The following NPAS2 variants were observed in gnomAD, a reference collection of about 807,000 sequenced individuals.
NPAS2 encodes neuronal PAS domain-containing protein 2.
Under a neutral mutation model 107.5 loss-of-function variants are expected in NPAS2, and 23 were observed. The ratio of observed to expected loss-of-function variants is 0.21; its 90% CI spans 0.15 to 0.30. The LOEUF is 0.30. NPAS2 is among the 10% of genes least tolerant of loss of function. The probability of loss-of-function intolerance (pLI) is 1.00; values close to 1 mark genes in which losing one functional copy is unlikely to be tolerated. For synonymous variants in NPAS2, 403 were observed against 417.5 expected, an observed-to-expected ratio of 0.97 and a Z score of 0.42; for missense variants, 756 against 1,043.3, an observed-to-expected ratio of 0.72 and a Z score of 3.79.
chr2:100,984,197 C>T (rs1677642791), intron 16 of NPAS2: 1 of 152,192 alleles, frequency 6.6e-6, no homozygotes, highest in African/African-American at 2.4e-5. Flanking sequence ...TGGAATTTTC[C>T]AGAGATCATG....
Position 100,939,050 on chromosome 2 carries a change from G to C in NPAS2, c.363+1208G>C, listed in dbSNP as rs554749609. Among the ~76,000 whole-genome samples, 6 of 152,270 alleles carry C rather than the reference G, an allele frequency of 3.9e-5. No homozygotes were observed. In the South Asian group the frequency reaches 1.2e-3, roughly 32 times the overall value. ...CTGCCCCTGCCCAGGGAACAGCGTG[G>C]CCTTGTTCCATGGGCAGCTTCCATC... On this transcript the variant is annotated intron_variant, in intron 5 of 20. Coordinates refer to ENST00000335681, the MANE Select transcript of NPAS2 (RefSeq NM_002518.4).
intron 4 of NPAS2, among the ~76,000 whole-genome samples, chr2:100,933,228 G>T (rs1019205872): frequency 6.6e-6 from 1 of 152,146 alleles, no homozygotes; most frequent in African/African-American, 2.4e-5. Context: ...GTGACCACAG[G>T]ATGAGCCCCT....
chr2:100,836,349 G>A lies in NPAS2; in HGVS notation c.-23+15935G>A, dbSNP rs1340486241. 5.9e-5 allele frequency among the ~76,000 whole-genome samples: 9 copies of A among 152,212 alleles called. No homozygotes were observed. In the South Asian group the frequency reaches 1.0e-3, roughly 18 times the overall value. ...CAGAATAAGCATATTACCCTGACCCGAGCCATTTCTGTTTTGTTTTCTTCT... is the reference window on the plus strand; with the variant it reads ...CAGAATAAGCATATTACCCTGACCCAAGCCATTTCTGTTTTGTTTTCTTCT... On this transcript the variant is annotated intron_variant, in intron 1 of 20. Coordinates refer to ENST00000335681, the MANE Select transcript of NPAS2 (RefSeq NM_002518.4).
chr2:100,888,280 C>T (rs2104677912), intron 1 of NPAS2, among the ~76,000 whole-genome samples: 1 of 152,248 alleles, frequency 6.6e-6, no homozygotes, highest in South Asian at 2.1e-4. Flanking sequence ...GAGGGTGGGA[C>T]CCATGCCTGT....
At chr2:100,978,292 A>G (rs761209939) in intron 15 of NPAS2, among the ~76,000 whole-genome samples, 2 of 152,172 alleles carry the variant, frequency 1.3e-5, no homozygotes, top group Non-Finnish European at 2.9e-5. Flanking sequence ...CATTTAGAAT[A>G]ATGACCTCCA....
At position 100,831,409 on chromosome 2, in the gene NPAS2, G is replaced by T. The variant is rs150395034; in HGVS notation, c.-23+10995G>T. Among the ~76,000 whole-genome samples the T allele has an allele frequency of 1.1e-4, 17 of 152,314 alleles. No individual in the cohort carries two copies. The East Asian group carries it at 3.1e-3, about 28-fold the overall frequency. On this transcript the variant is annotated intron_variant, in intron 1 of 20. Coordinates refer to ENST00000335681, the MANE Select transcript of NPAS2 (RefSeq NM_002518.4). ...AGTATCATAAGTTACTGCAAAAGAT[G>T]CCTAATTCCCTGGAGATCAAGATCT...
intron 1 of NPAS2, among the ~76,000 whole-genome samples, chr2:100,859,353 G>A (rs1678791551): frequency 6.6e-6 from 1 of 152,162 alleles, no homozygotes; most frequent in African/African-American, 2.4e-5. Context: ...CTTTTGTTCA[G>A]TCCTTTATTC....
intron 7 of NPAS2, among the ~76,000 whole-genome samples, chr2:100,961,018 G>A (rs17025061): frequency 0.032 from 4,883 of 152,270 alleles, 267 homozygotes; most frequent in African/African-American, 0.11. Flanking sequence ...GCAAGAATGA[G>A]TTGCTTTTCT....
intron 1 of NPAS2, among the ~76,000 whole-genome samples, chr2:100,870,869 G>A (rs1237870212): frequency 1.3e-5 from 2 of 152,218 alleles, no homozygotes; most frequent in East Asian, 1.9e-4. Flanking sequence ...GAAGATTCCT[G>A]TGGGGAGTCA....
At chr2:100,876,158 C>T (rs1432036027) in intron 1 of NPAS2, among the ~76,000 whole-genome samples, 4 of 152,196 alleles carry the variant, frequency 2.6e-5, no homozygotes, top group Non-Finnish European at 4.4e-5. Context: ...TGCGGCCTCT[C>T]TGGTTCTGTT....
intron 2 of NPAS2, 104 bp downstream of exon 2, chr2:100,904,890 A>C (rs1396619211): frequency 1.3e-6 from 1 of 785,780 alleles, no homozygotes; most frequent in Admixed American, 2.3e-5. Context: ...GGCCACCAGC[A>C]AGATAGGCAG....
At chr2:100,849,578 A>C (rs187208040) in intron 1 of NPAS2, among the ~76,000 whole-genome samples, 1 of 152,208 alleles carries the variant, frequency 6.6e-6, no homozygotes. Context: ...CAACATTACT[A>C]TAAAATGATA....
chr2:100,980,714 G>T (rs941387588), intron 15 of NPAS2, among the ~76,000 whole-genome samples: 1 of 152,064 alleles, frequency 6.6e-6, no homozygotes, highest in Non-Finnish European at 1.5e-5. Flanking sequence ...CAGGTGATCC[G>T]CCCACCTCGG....
At chr2:100,939,666 C>T (rs1396727806) in intron 5 of NPAS2, among the ~76,000 whole-genome samples, 5 of 152,116 alleles carry the variant, frequency 3.3e-5, no homozygotes, top group Admixed American at 6.6e-5. Context: ...AGCAACCACA[C>T]GTGGCCTGCT....
chr2:100,911,235 T>C (rs1427872631), intron 2 of NPAS2, among the ~76,000 whole-genome samples: 2 of 152,064 alleles, frequency 1.3e-5, no homozygotes, highest in African/African-American at 4.8e-5. Context: ...GAAAATAACC[T>C]CCTCTGGCCA....
chr2:100,881,352 G>C (rs1275395727), intron 1 of NPAS2, among the ~76,000 whole-genome samples: 1 of 152,116 alleles, frequency 6.6e-6, no homozygotes, highest in Non-Finnish European at 1.5e-5. Flanking sequence ...CCATACTTTA[G>C]CAAGATCCCA....
Position 100,932,926 on chromosome 2 carries a change from G to A in NPAS2, c.198G>A (p.Thr66=), listed in dbSNP as rs368329703. ...CTTTTCTAGAAGTCTCAGCGCAAAC[G>A]GAAATCTGTGACATTCAGCAAGACT... ...LQKHNEVSAQ[T]EICDIQQDWK... Residue 66 remains threonine (T), a synonymous_variant, in exon 4 of 21, where the codon ACG becomes ACA. Transcript: ENST00000335681. The A allele has an allele frequency of 9.3e-6, 15 of 1,613,508 alleles. No individual in the cohort carries two copies. The highest frequency in any genetic ancestry group is 5.3e-5 in the African/African-American group (4 of 74,904).
chr2:100,917,813 C>T (rs1367909469), intron 2 of NPAS2, among the ~76,000 whole-genome samples: 1 of 152,162 alleles, frequency 6.6e-6, no homozygotes, highest in Non-Finnish European at 1.5e-5. Flanking sequence ...TATTTGAAAA[C>T]CTGAACAGGA....
intron 2 of NPAS2, among the ~76,000 whole-genome samples, chr2:100,907,944 A>G (rs1224539884): frequency 6.6e-6 from 1 of 152,208 alleles, no homozygotes; most frequent in African/African-American, 2.4e-5. Context: ...TAATCCCTAG[A>G]TAATGAAGTT....
Sources: allele counts gnomAD v4.1 joint callset (sites outside exome capture counted in the v4.1 genomes callset), GRCh38; gene constraint gnomAD v4.1.1; transcripts MANE v1.5; gene names NCBI Gene and HGNC (gene_info 2026-07-23, HGNC 2026-07-21).